Variants in FAAH2 observed in about 807,000 individuals in gnomAD.
FAAH2 encodes fatty-acid amide hydrolase 2.
In FAAH2, 60 loss-of-function variants were observed where a neutral mutation model predicts 36.9. That is an observed-to-expected ratio of 1.63 (90% CI 1.32 to 2.02). FAAH2 has a LOEUF of 2.02. Among genes scored for constraint, FAAH2 ranks in the 30% most tolerant of loss-of-function variants. FAAH2 has a pLI of 0.00. For synonymous variants in FAAH2, 214 were observed against 143.8 expected, an observed-to-expected ratio of 1.49 and a Z score of -3.49; for missense variants, 689 against 397.5, an observed-to-expected ratio of 1.73 and a Z score of -6.23.
At chrX:57,284,316 A>G (rs2499553), upstream of FAAH2, among the ~76,000 whole-genome samples, 49,064 of 110,271 alleles carry the variant, frequency 0.44, 10,886 homozygotes, top group African/African-American at 0.86. Flanking sequence ...AAAGGTTGCA[A>G]TGAGCCAAGA....
intron 10 of FAAH2, among the ~76,000 whole-genome samples, chrX:57,474,065 ATTGTGTAATTGCT>A (rs1168346280): frequency 9.0e-6 from 1 of 111,698 alleles, no homozygotes; most frequent in African/African-American, 3.3e-5. Context: ...TGGAGTTTCC[ATTGTGTAATTGCT>A]TTGTGTGATC....
intron 5 of FAAH2, among the ~76,000 whole-genome samples, chrX:57,367,362 G>A (rs912854953): frequency 5.4e-5 from 6 of 112,109 alleles, no homozygotes; most frequent in Non-Finnish European, 1.1e-4. Context: ...CTGCACCTTA[G>A]CATGAACAAG....
At chrX:57,215,815 G>A in the FAAH2 span, among the ~76,000 whole-genome samples, 1 of 107,452 alleles carries the variant, frequency 9.3e-6, no homozygotes, top group African/African-American at 3.4e-5. Context: ...AAACCTGTCA[G>A]GTGGTGGGGG....
chrX:57,425,617 A>G (rs1187697692), intron 7 of FAAH2, among the ~76,000 whole-genome samples: 1 of 111,639 alleles, frequency 9.0e-6, no homozygotes, highest in African/African-American at 3.3e-5. Flanking sequence ...TCCTGCTCTA[A>G]TGTTTATAAA....
At chrX:57,476,743 A>T (rs775664407) in intron 10 of FAAH2, among the ~76,000 whole-genome samples, 3 of 111,380 alleles carry the variant, frequency 2.7e-5, no homozygotes, top group Non-Finnish European at 5.6e-5. Context: ...ATTGTTTGGA[A>T]TAGTTTCAGA....
At chrX:57,274,924 G>C in the FAAH2 span, among the ~76,000 whole-genome samples, 151 of 111,809 alleles carry the variant, frequency 1.4e-3, no homozygotes, top group African/African-American at 4.8e-3. Flanking sequence ...GCAGGAGAAA[G>C]CAATAAAGTG....
intron 10 of FAAH2, among the ~76,000 whole-genome samples, chrX:57,457,965 C>CA (rs1300731506): frequency 9.0e-6 from 1 of 111,222 alleles, no homozygotes; most frequent in East Asian, 2.8e-4. Flanking sequence ...TCATTTGGAA[C>CA]AAAAAAAGAA....
chrX:57,231,880 C>T, the FAAH2 span, among the ~76,000 whole-genome samples: 64 of 111,647 alleles, frequency 5.7e-4, no homozygotes, highest in Non-Finnish European at 1.1e-3. Flanking sequence ...TAAAACAAAA[C>T]AAGCCCCTGG....
chrX:57,192,599 C>T, the FAAH2 span, among the ~76,000 whole-genome samples: 2 of 111,140 alleles, frequency 1.8e-5, no homozygotes, highest in Non-Finnish European at 3.8e-5. Context: ...ATGTATATGG[C>T]TTTTATTATA....
intron 3 of FAAH2, among the ~76,000 whole-genome samples, chrX:57,328,151 G>A (rs990447154): frequency 2.7e-5 from 3 of 112,023 alleles, no homozygotes; most frequent in Non-Finnish European, 5.6e-5. Flanking sequence ...CTGCAAAACA[G>A]CGAATATTGG....
At chrX:57,370,355 C>T (rs925727889) in intron 5 of FAAH2, among the ~76,000 whole-genome samples, 1 of 111,138 alleles carries the variant, frequency 9.0e-6, no homozygotes, top group Non-Finnish European at 1.9e-5. Flanking sequence ...TTTCCAGTTC[C>T]AGTTGTTACT....
At chrX:57,305,055 T>C (rs995544653) in intron 2 of FAAH2, among the ~76,000 whole-genome samples, 53 of 48,580 alleles carry the variant, frequency 1.1e-3, no homozygotes, top group African/African-American at 2.5e-3. Flanking sequence ...GGTGTGATTC[T>C]GTAATTTTGT....
the FAAH2 span, among the ~76,000 whole-genome samples, chrX:57,160,104 T>C: frequency 4.5e-5 from 5 of 111,794 alleles, no homozygotes; most frequent in East Asian, 1.4e-3. Context: ...ATCATGTGGT[T>C]TTTGTCGTTG....
intron 10 of FAAH2, among the ~76,000 whole-genome samples, chrX:57,479,985 G>A (rs1056513207): frequency 4.5e-5 from 5 of 111,522 alleles, no homozygotes; most frequent in Admixed American, 9.5e-5. Flanking sequence ...TACAAACACC[G>A]CTATGCAAAT....
chrX:57,153,768 C>A, the FAAH2 span, among the ~76,000 whole-genome samples: 1 of 112,391 alleles, frequency 8.9e-6, no homozygotes, highest in Admixed American at 9.4e-5. Context: ...TTACCTTGTA[C>A]TTTTGCCTCA....
intron 2 of FAAH2, among the ~76,000 whole-genome samples, chrX:57,307,349 G>T (rs1220596643): frequency 1.8e-5 from 2 of 109,476 alleles, no homozygotes; most frequent in Non-Finnish European, 3.8e-5. Context: ...ATTATTTTTA[G>T]CTCCATTATA....
chrX:57,133,252 G>A, the FAAH2 span, among the ~76,000 whole-genome samples: 69 of 112,704 alleles, frequency 6.1e-4, no homozygotes, highest in African/African-American at 2.1e-3. Context: ...CTCCATGAGG[G>A]TAAGAATTTT....
At chrX:57,264,466 T>C in the FAAH2 span, among the ~76,000 whole-genome samples, 1 of 112,292 alleles carries the variant, frequency 8.9e-6, no homozygotes, top group Non-Finnish European at 1.9e-5. Flanking sequence ...GAAATGCAAA[T>C]CAAAACCACA....
chrX:57,311,056 C>T (rs892474392), intron 3 of FAAH2, among the ~76,000 whole-genome samples: 1 of 111,969 alleles, frequency 8.9e-6, no homozygotes, highest in Non-Finnish European at 1.9e-5. Flanking sequence ...TAAAGCCAAG[C>T]TTGAATTCTG....
Sources: gnomAD v4.1 joint callset for allele counts (sites outside exome capture counted in the v4.1 genomes callset) on GRCh38, gnomAD v4.1.1 for gene constraint, MANE v1.5 for transcripts, NCBI Gene and HGNC (gene_info 2026-07-23, HGNC 2026-07-21) for gene names.